The following ARL15 variants were observed in gnomAD, a reference collection of about 807,000 sequenced individuals.
ARL15 encodes ARF like GTPase 15, also known as ADP-ribosylation factor-like protein 15.
Under a neutral mutation model 25.2 loss-of-function variants are expected in ARL15, and 19 were observed. The observed-to-expected ratio is 0.75, with a 90% confidence interval of 0.53 to 1.10. The LOEUF is 1.10. Ranked by LOEUF, ARL15 falls within the 50% of genes least tolerant of loss-of-function variation. The pLI, the probability that ARL15 is intolerant of heterozygous loss-of-function variation, is 0.00. For synonymous variants in ARL15, 94 were observed against 86.8 expected (o/e 1.08, Z -0.46); for missense variants, 220 against 246.0 (o/e 0.89, Z 0.71).
At position 54,271,077 on chromosome 5, in the gene ARL15, G is replaced by A. The variant is rs138134013; in HGVS notation, c.48+39355C>T. ...CCAAGGTTTACATCAGTGGCTCCCC[G>A]GGTTGCCTGGCCTTCAGCCTTGGAC... On this transcript the variant is annotated intron_variant, in intron 1 of 4. Transcript: ENST00000504924. Among the ~76,000 whole-genome samples the A allele has an allele frequency of 3.8e-3, 572 of 152,284 alleles. 2 individuals are homozygous for A. Among genetic ancestry groups the A allele is most frequent in the African/African-American group, 0.013 (553 of 41,564 alleles).
intron 2 of ARL15, among the ~76,000 whole-genome samples, chr5:54,155,575 A>C (rs1446832482): frequency 6.6e-6 from 1 of 152,180 alleles, no homozygotes; most frequent in Non-Finnish European, 1.5e-5. Flanking sequence ...ATAAGAAAAT[A>C]TTCAGAGTAT....
chr5:53,999,906 TAAAATA>T (rs986945265), intron 4 of ARL15, among the ~76,000 whole-genome samples: 2 of 144,334 alleles, frequency 1.4e-5, no homozygotes, highest in Non-Finnish European at 3.1e-5. Context: ...AAAAATAAAA[TAAAATA>T]AAAATAAAAA....
chr5:54,191,460 T>C (rs1419697151), intron 1 of ARL15, among the ~76,000 whole-genome samples: 2 of 150,948 alleles, frequency 1.3e-5, no homozygotes, highest in Non-Finnish European at 2.9e-5. Flanking sequence ...ATAGTTAAGA[T>C]GGTGAATTTT....
At chr5:53,964,547 A>C (rs1488663119) in intron 4 of ARL15, among the ~76,000 whole-genome samples, 1 of 152,016 alleles carries the variant, frequency 6.6e-6, no homozygotes. Flanking sequence ...TATTTAGTAG[A>C]GACGGGGCTT....
chr5:54,152,563 A>C (rs1475038141), intron 3 of ARL15, among the ~76,000 whole-genome samples: 1 of 152,142 alleles, frequency 6.6e-6, no homozygotes, highest in Non-Finnish European at 1.5e-5. Flanking sequence ...AGAGCTATTA[A>C]AGTTGAGAAA....
chr5:54,204,961 T>C (rs934785740), intron 1 of ARL15, among the ~76,000 whole-genome samples: 3 of 132,418 alleles, frequency 2.3e-5, no homozygotes, highest in Non-Finnish European at 3.1e-5. Flanking sequence ...TGAGATGGAG[T>C]CTGACTCTTT....
chr5:54,053,641 T>C (rs1306656337), intron 4 of ARL15, among the ~76,000 whole-genome samples: 1 of 152,218 alleles, frequency 6.6e-6, no homozygotes, highest in African/African-American at 2.4e-5. Context: ...GATGTGGCAC[T>C]GTACCTCTGG....
chr5:54,140,952 T>C (rs1304288956), intron 3 of ARL15, among the ~76,000 whole-genome samples: 1 of 152,162 alleles, frequency 6.6e-6, no homozygotes, highest in Non-Finnish European at 1.5e-5. Context: ...TACCGTTTTT[T>C]CCCCAACCTG....
At chr5:54,076,441 GA>G (rs974703023) in intron 4 of ARL15, among the ~76,000 whole-genome samples, 1 of 143,122 alleles carries the variant, frequency 7.0e-6, no homozygotes, top group Non-Finnish European at 1.5e-5. Context: ...AAAAGAAAAA[GA>G]AAAAAAAAGA....
intron 4 of ARL15, among the ~76,000 whole-genome samples, chr5:53,932,232 A>G (rs1398288980): frequency 6.6e-6 from 1 of 152,264 alleles, no homozygotes; most frequent in Non-Finnish European, 1.5e-5. Context: ...TTATTAAGAA[A>G]GAATCAGGAT....
At chr5:54,211,190 A>T (rs2112507189) in intron 1 of ARL15, among the ~76,000 whole-genome samples, 1 of 152,280 alleles carries the variant, frequency 6.6e-6, no homozygotes, top group South Asian at 2.1e-4. Flanking sequence ...AGTATTCCAA[A>T]ATGTCACAGA....
At chr5:54,209,953 T>C (rs62372183) in intron 1 of ARL15, among the ~76,000 whole-genome samples, 2,739 of 152,292 alleles carry the variant, frequency 0.018, 36 homozygotes, top group Non-Finnish European at 0.025. Flanking sequence ...TAGAGGATTA[T>C]AGAATGCTAA....
chr5:54,225,430 G>A (rs1579928306), intron 1 of ARL15, among the ~76,000 whole-genome samples: 1 of 152,250 alleles, frequency 6.6e-6, no homozygotes, highest in Admixed American at 6.5e-5. Context: ...CTAGGAAAGA[G>A]GTCCTTGCCG....
chr5:54,109,570 A>T (rs1361957496), intron 4 of ARL15, among the ~76,000 whole-genome samples: 1 of 151,952 alleles, frequency 6.6e-6, no homozygotes, highest in African/African-American at 2.4e-5. Flanking sequence ...CTTCTCATAA[A>T]ACCCTCCTGA....
At chr5:54,106,846 G>T (rs562327721) in intron 4 of ARL15, among the ~76,000 whole-genome samples, 1 of 152,062 alleles carries the variant, frequency 6.6e-6, no homozygotes, top group African/African-American at 2.4e-5. Flanking sequence ...GAAGTTATAG[G>T]CGAAATTCTA....
At chr5:54,164,445 A>G (rs1561249339) in intron 2 of ARL15, among the ~76,000 whole-genome samples, 1 of 152,030 alleles carries the variant, frequency 6.6e-6, no homozygotes, top group Non-Finnish European at 1.5e-5. Context: ...ATGATCTATA[A>G]AGTATTGAGA....
intron 1 of ARL15, among the ~76,000 whole-genome samples, chr5:54,252,063 C>T (rs1227047291): frequency 1.3e-5 from 2 of 152,196 alleles, no homozygotes; most frequent in African/African-American, 4.8e-5. Flanking sequence ...AAATGATATT[C>T]CATGCTATCA....
At chr5:54,022,693 C>T (rs779602365) in intron 4 of ARL15, among the ~76,000 whole-genome samples, 1 of 152,204 alleles carries the variant, frequency 6.6e-6, no homozygotes, top group Non-Finnish European at 1.5e-5. Context: ...GCTATTTAAG[C>T]TTCCACCATC....
In ARL15 at chr5:53,981,975, G is replaced by A. The variant is rs76001526; in HGVS notation, c.463-95262C>T. Among the ~76,000 whole-genome samples, 231 of 152,128 alleles carry A rather than the reference G, an allele frequency of 1.5e-3. 3 individuals are homozygous for A. In the East Asian group the frequency reaches 0.037, roughly 24 times the overall value. Reference sequence around the variant, plus strand: ...CAAAGAGCTTACACTTTTCGTATAGGCAAGAGGAAGCTACCTGAGGCTTAT... The same window carrying A: ...CAAAGAGCTTACACTTTTCGTATAGACAAGAGGAAGCTACCTGAGGCTTAT... On this transcript the variant is annotated intron_variant, in intron 4 of 4. Transcript: ENST00000504924.
Sources: allele counts gnomAD v4.1 joint callset (sites outside exome capture counted in the v4.1 genomes callset), GRCh38; gene constraint gnomAD v4.1.1; transcripts MANE v1.5; gene names NCBI Gene and HGNC (gene_info 2026-07-23, HGNC 2026-07-21).